The following R3HDM2 variants were observed in gnomAD, a reference collection of about 807,000 sequenced individuals.
R3HDM2 encodes the protein R3H domain containing 2, also known as R3H domain-containing protein 2.
A neutral mutation model predicts 124.5 loss-of-function variants in R3HDM2; 38 were observed. The observed-to-expected ratio is 0.31, with a 90% confidence interval of 0.24 to 0.40. R3HDM2 has a LOEUF of 0.40. R3HDM2 is among the 10% of genes least tolerant of loss of function. R3HDM2 has a pLI of 1.00. For synonymous variants in R3HDM2, 391 were observed against 448.0 expected (o/e 0.87, Z 1.61); for missense variants, 869 against 1,236.9 (o/e 0.70, Z 4.46).
At chr12:57,329,965 A>G (rs2057898482) in intron 2 of R3HDM2, among the ~76,000 whole-genome samples, 1 of 151,676 alleles carries the variant, frequency 6.6e-6, no homozygotes, top group Non-Finnish European at 1.5e-5. Flanking sequence ...TCCTTCTCAG[A>G]TTTTTGTTGT....
chr12:57,346,960 T>C (rs2060147217), intron 2 of R3HDM2, among the ~76,000 whole-genome samples: 1 of 152,054 alleles, frequency 6.6e-6, no homozygotes, highest in African/African-American at 2.4e-5. Flanking sequence ...AAAAGTTACA[T>C]GTAGCTGGGC....
At chr12:57,397,911 C>G (rs1240381561) in intron 1 of R3HDM2, among the ~76,000 whole-genome samples, 1 of 152,192 alleles carries the variant, frequency 6.6e-6, no homozygotes, top group Non-Finnish European at 1.5e-5. Context: ...GGGCCGGGCA[C>G]AGTGGCTCAC....
intron 2 of R3HDM2, among the ~76,000 whole-genome samples, chr12:57,327,604 A>C (rs931848245): frequency 6.6e-5 from 10 of 152,192 alleles, no homozygotes; most frequent in Admixed American, 5.9e-4. Flanking sequence ...AACATTTGTG[A>C]TTTATGAGAG....
At chr12:57,425,209 T>C (rs2070618468) in intron 1 of R3HDM2, among the ~76,000 whole-genome samples, 1 of 151,868 alleles carries the variant, frequency 6.6e-6, no homozygotes, top group Admixed American at 6.6e-5. Flanking sequence ...GAGGTGGAAG[T>C]TGCGGTGAGC....
intron 1 of R3HDM2, chr12:57,418,331 C>T (rs755461093): frequency 1.6e-5 from 16 of 985,252 alleles, no homozygotes; most frequent in Non-Finnish European, 1.8e-5. Context: ...ATTTAGTTAA[C>T]GGGGCAAGGC....
chr12:57,386,480 T>C (rs1409833624), intron 2 of R3HDM2, among the ~76,000 whole-genome samples: 1 of 152,232 alleles, frequency 6.6e-6, no homozygotes, highest in Admixed American at 6.5e-5. Flanking sequence ...GCTCGACTTC[T>C]TGCCGGGCCT....
At chr12:57,427,695 G>T (rs1868290324) in intron 1 of R3HDM2, among the ~76,000 whole-genome samples, 1 of 151,878 alleles carries the variant, frequency 6.6e-6, no homozygotes, top group South Asian at 2.1e-4. Flanking sequence ...ATACGTTATA[G>T]GTTGATAAGG....
At chr12:57,311,412 C>T (rs2053883099) in intron 2 of R3HDM2, among the ~76,000 whole-genome samples, 1 of 151,788 alleles carries the variant, frequency 6.6e-6, no homozygotes, top group Non-Finnish European at 1.5e-5. Context: ...TTTTTTAGTA[C>T]AGACAGGGTT....
chr12:57,361,234 G>C (rs1395563700), intron 2 of R3HDM2, among the ~76,000 whole-genome samples: 1 of 150,676 alleles, frequency 6.6e-6, no homozygotes, highest in East Asian at 2.0e-4. Context: ...AATGAGCCGA[G>C]CATGGTGGCA....
chr12:57,423,808 T>TAAAAA (rs57587261), intron 1 of R3HDM2, among the ~76,000 whole-genome samples: 3 of 51,434 alleles, frequency 5.8e-5, no homozygotes, highest in Admixed American at 3.0e-4. Flanking sequence ...CTGTCTCAAT[T>TAAAAA]AAAAAAAAAA....
At chr12:57,402,006 A>G (rs977679636) in intron 1 of R3HDM2, among the ~76,000 whole-genome samples, 1 of 151,584 alleles carries the variant, frequency 6.6e-6, no homozygotes, top group African/African-American at 2.4e-5. Flanking sequence ...GAAAAAGTGC[A>G]TGCACAAGCC....
At position 57,429,772 on chromosome 12, in the gene R3HDM2, G is replaced by A. The variant is rs572994925; in HGVS notation, c.-106+948C>T. On this transcript the variant is annotated intron_variant, in intron 1 of 23. Coordinates refer to ENST00000402412, the MANE Select transcript of R3HDM2 (RefSeq NM_001394031.1). The stretch of plus-strand genomic sequence containing the variant: ...CAGCAACAAAAAGGGGGGCGGGGGT[G>A]GGGGGGGAATATTGGTGGAACAACA... Among the ~76,000 whole-genome samples, 3 of 141,530 alleles carry A rather than the reference G, an allele frequency of 2.1e-5. No individual in the cohort carries two copies. In the East Asian group the frequency reaches 6.9e-4, roughly 32 times the overall value. The allele number at this position is 141,530 out of a possible 152,430, so 92.8% of individuals were successfully genotyped here.
intron 2 of R3HDM2, among the ~76,000 whole-genome samples, chr12:57,387,169 C>T (rs568514398): frequency 3.3e-5 from 5 of 152,214 alleles, no homozygotes; most frequent in African/African-American, 1.2e-4. Flanking sequence ...GCTGCCCGAG[C>T]CACCAGTGGC....
intron 2 of R3HDM2, among the ~76,000 whole-genome samples, chr12:57,313,421 AG>A (rs2054333073): frequency 6.6e-6 from 1 of 151,832 alleles, no homozygotes; most frequent in African/African-American, 2.4e-5. Context: ...AAAATTAGCC[AG>A]ACATGGTGGT....
At chr12:57,263,493 C>G (rs1340553849) in intron 19 of R3HDM2, among the ~76,000 whole-genome samples, 1 of 152,050 alleles carries the variant, frequency 6.6e-6, no homozygotes, top group African/African-American at 2.4e-5. Context: ...TGTTTTGAGA[C>G]AGTCTCGCTA....
At chr12:57,357,923 G>A (rs950297655) in intron 2 of R3HDM2, among the ~76,000 whole-genome samples, 5 of 150,706 alleles carry the variant, frequency 3.3e-5, no homozygotes, top group Non-Finnish European at 7.4e-5. Flanking sequence ...TTTCAGAGTG[G>A]TTAGGTTTCC....
chr12:57,280,451 G>A lies in R3HDM2; in HGVS notation c.1251C>T (p.Ala417=), dbSNP rs1287239976. 6.2e-7 allele frequency: 1 copy of A among 1,614,108 alleles called. No individual in the cohort carries two copies. Among genetic ancestry groups the A allele is most frequent in the Admixed American group, 1.7e-5 (1 of 60,024 alleles). The part of the protein sequence containing the change: ...QSVRGLLPCT[A]QQQQQQQQQQ... ...GCTGCTGCTGCTGCTGTTGCTGCTG[G>A]GCAGTACAAGGGAGAAGCCCCCGGA... is the stretch of plus-strand genomic sequence containing the variant. The change falls in exon 14 of 24, where the codon GCC becomes GCT. Residue 417 remains alanine, a synonymous_variant. Transcript: ENST00000402412.
At chr12:57,371,082 A>ATTTTTT (rs1491062795) in intron 2 of R3HDM2, among the ~76,000 whole-genome samples, 1 of 50,806 alleles carries the variant, frequency 2.0e-5, no homozygotes, top group South Asian at 5.6e-4. Context: ...ATATACCATT[A>ATTTTTT]CTTTTTTTTT....
chr12:57,282,012 T>C (rs1481003323), intron 13 of R3HDM2, among the ~76,000 whole-genome samples: 1 of 152,136 alleles, frequency 6.6e-6, no homozygotes, highest in Admixed American at 6.5e-5. Flanking sequence ...GCTAATGCCA[T>C]ATTCAAGAAA....
Sources: gnomAD v4.1 joint callset for allele counts (sites outside exome capture counted in the v4.1 genomes callset) on GRCh38, gnomAD v4.1.1 for gene constraint, MANE v1.5 for transcripts, NCBI Gene and HGNC (gene_info 2026-07-23, HGNC 2026-07-21) for gene names.